The following LHFPL3 variants were observed in gnomAD, a reference collection of about 807,000 sequenced individuals.
LHFPL3 encodes the protein LHFPL tetraspan subfamily member 3, also known as LHFPL tetraspan subfamily member 3 protein.
A neutral mutation model predicts 19.3 loss-of-function variants in LHFPL3; 5 were observed. The ratio of observed to expected loss-of-function variants is 0.26; its 90% CI spans 0.14 to 0.54. LHFPL3 has a LOEUF of 0.54. LHFPL3 is among the 20% of genes least tolerant of loss of function. The pLI is 0.94. For synonymous variants in LHFPL3, 133 were observed against 126.2 expected (o/e 1.05, Z -0.36); for missense variants, 249 against 307.4 (o/e 0.81, Z 1.42).
chr7:104,512,653 T>C (rs1230326301), intron 1 of LHFPL3, among the ~76,000 whole-genome samples: 1 of 151,966 alleles, frequency 6.6e-6, no homozygotes, highest in Admixed American at 6.6e-5. Flanking sequence ...GGAGAATCAC[T>C]TGAACCTGGA....
At chr7:104,597,409 A>G (rs996945568) in intron 1 of LHFPL3, among the ~76,000 whole-genome samples, 1 of 152,244 alleles carries the variant, frequency 6.6e-6, no homozygotes, top group Non-Finnish European at 1.5e-5. Context: ...TAGAAGATGC[A>G]TCTTTAAACT....
At position 104,328,755 on chromosome 7, in the gene LHFPL3, G is replaced by T; in HGVS notation, c.-25G>T. 1 of 1,420,744 alleles carries T rather than the reference G, an allele frequency of 7.0e-7. No homozygotes were observed. Among genetic ancestry groups the T allele is most frequent in the South Asian group, 1.3e-5 (1 of 77,426 alleles). The allele number at this position is 1,420,744 out of a possible 1,614,324, so 88.0% of individuals were successfully genotyped here. ...GGGGGAGGCGGAGGACCAGGAGGAGGAGGAGGAGGAGGAGGAGGGGGAGAA... is the reference window on the plus strand; with the variant it reads ...GGGGGAGGCGGAGGACCAGGAGGAGTAGGAGGAGGAGGAGGAGGGGGAGAA... On this transcript the variant is annotated 5_prime_UTR_variant, in exon 1 of 3. Coordinates refer to ENST00000424859, the MANE Select transcript of LHFPL3 (RefSeq NM_199000.3). The surrounding 1 kb of genome is among the most constrained non-coding windows in gnomAD (Gnocchi z 4.6).
At chr7:104,696,811 T>C (rs2116157624) in intron 1 of LHFPL3, among the ~76,000 whole-genome samples, 1 of 152,286 alleles carries the variant, frequency 6.6e-6, no homozygotes, top group African/African-American at 2.4e-5. Context: ...AGTTGCTGTA[T>C]AAAAAATAAA....
rs138262410 is a variant in LHFPL3 at position 104,829,188 on chromosome 7, C to T, written c.683-76999C>T. ...ATTAAGAGCCTCCCATGAGGAGCCACTCTCCCTGACCAAGGGTCCTCCGGC... is the reference window on the plus strand; with the variant it reads ...ATTAAGAGCCTCCCATGAGGAGCCATTCTCCCTGACCAAGGGTCCTCCGGC... On this transcript the variant is annotated intron_variant, in intron 2 of 2. Coordinates refer to ENST00000424859, the MANE Select transcript of LHFPL3 (RefSeq NM_199000.3). 5.2e-4 allele frequency among the ~76,000 whole-genome samples: 79 copies of T among 151,982 alleles called. No individual in the cohort carries two copies. In the East Asian group the frequency reaches 0.014, roughly 26 times the overall value.
intron 2 of LHFPL3, among the ~76,000 whole-genome samples, chr7:104,780,475 C>T (rs1312470545): frequency 3.9e-5 from 6 of 152,132 alleles, no homozygotes; most frequent in South Asian, 2.1e-4. Context: ...TGTAAGGCAC[C>T]GGTGACAGTA....
intron 1 of LHFPL3, among the ~76,000 whole-genome samples, chr7:104,448,166 A>G (rs1792367200): frequency 6.6e-6 from 1 of 152,186 alleles, no homozygotes; most frequent in Admixed American, 6.6e-5. Flanking sequence ...TCAATAGTTA[A>G]TTGGAAGCAC....
chr7:104,767,640 A>G (rs1794478840), intron 2 of LHFPL3, among the ~76,000 whole-genome samples: 1 of 152,206 alleles, frequency 6.6e-6, no homozygotes. Flanking sequence ...AGTACAAACA[A>G]TAATTAAACC....
intron 1 of LHFPL3, among the ~76,000 whole-genome samples, chr7:104,495,002 A>C (rs1246190873): frequency 1.3e-5 from 2 of 152,198 alleles, no homozygotes; most frequent in Non-Finnish European, 2.9e-5. Context: ...CCTCCAGATC[A>C]ATCCCCTTCC....
At chr7:104,871,532 CT>C (rs1791837763) in intron 2 of LHFPL3, among the ~76,000 whole-genome samples, 1 of 152,092 alleles carries the variant, frequency 6.6e-6, no homozygotes. Context: ...TTTTTCTTTC[CT>C]CAATAATAAA....
At chr7:104,510,988 A>G (rs570176745) in intron 1 of LHFPL3, among the ~76,000 whole-genome samples, 1 of 152,254 alleles carries the variant, frequency 6.6e-6, no homozygotes, top group Non-Finnish European at 1.5e-5. Context: ...AATCTGTACA[A>G]CAAACCCCCA....
intron 1 of LHFPL3, among the ~76,000 whole-genome samples, chr7:104,684,950 A>G (rs1193842152): frequency 6.6e-6 from 1 of 152,110 alleles, no homozygotes; most frequent in Non-Finnish European, 1.5e-5. Flanking sequence ...TTCTCATTCT[A>G]TTTCTTTCAT....
At chr7:104,775,364 C>CTA (rs764922550) in intron 2 of LHFPL3, among the ~76,000 whole-genome samples, 16 of 152,238 alleles carry the variant, frequency 1.1e-4, no homozygotes, top group Non-Finnish European at 1.6e-4. Flanking sequence ...CCACTGCACT[C>CTA]TAGCCTGGGC....
Position 104,693,476 on chromosome 7 carries a change from G to A in LHFPL3, c.446-43199G>A, listed in dbSNP as rs752740077. Among the ~76,000 whole-genome samples, 3 of 152,132 alleles carry A rather than the reference G, an allele frequency of 2.0e-5. 1 individual carries two copies. The East Asian group carries it at 5.8e-4, about 29-fold the overall frequency. The stretch of plus-strand genomic sequence containing the variant: ...ATGTGTCATGGGAGGGACCCAGTGA[G>A]AGGTAATTGAATCATGGGGGCAGTT... On this transcript the variant is annotated intron_variant, in intron 1 of 2. Coordinates refer to ENST00000424859, the MANE Select transcript of LHFPL3 (RefSeq NM_199000.3).
intron 2 of LHFPL3, among the ~76,000 whole-genome samples, chr7:104,810,237 G>T (rs1357107018): frequency 6.6e-6 from 1 of 152,156 alleles, no homozygotes; most frequent in Non-Finnish European, 1.5e-5. Context: ...TGGGCTCTGT[G>T]GGCCCCGGAC....
chr7:104,481,210 A>G (rs1793130123), intron 1 of LHFPL3, among the ~76,000 whole-genome samples: 1 of 152,070 alleles, frequency 6.6e-6, no homozygotes, highest in African/African-American at 2.4e-5. Context: ...TCCCACCCAG[A>G]TTGTTATAAT....
chr7:104,729,551 A>G (rs1793653257), intron 1 of LHFPL3, among the ~76,000 whole-genome samples: 2 of 152,116 alleles, frequency 1.3e-5, no homozygotes, highest in Admixed American at 6.6e-5. Context: ...AGCCTCTGAT[A>G]ACCAGTATTT....
intron 1 of LHFPL3, among the ~76,000 whole-genome samples, chr7:104,378,806 A>C (rs944277185): frequency 6.6e-6 from 1 of 152,168 alleles, no homozygotes; most frequent in South Asian, 2.1e-4. Flanking sequence ...TCTTCAGTGA[A>C]GTGTCTTTTC....
In LHFPL3 at chr7:104,453,074, A is replaced by G. The variant is rs943619287; in HGVS notation, c.445+123850A>G. 2.6e-5 allele frequency among the ~76,000 whole-genome samples: 4 copies of G among 152,112 alleles called. No individual in the cohort carries two copies. In the South Asian group the frequency reaches 6.2e-4, roughly 24 times the overall value. On this transcript the variant is annotated intron_variant, in intron 1 of 2. Coordinates refer to ENST00000424859, the MANE Select transcript of LHFPL3 (RefSeq NM_199000.3). ...ATTTCAAATTCTTTTCCAGGTTACA[A>G]TTTGTCTTAAAAATGTATTTAATAG... is the stretch of plus-strand genomic sequence containing the variant.
At position 104,464,144 on chromosome 7, in the gene LHFPL3, C is replaced by T. The variant is rs548151765; in HGVS notation, c.445+134920C>T. Among the ~76,000 whole-genome samples, 14 of 152,322 alleles carry T rather than the reference C, an allele frequency of 9.2e-5. No homozygotes were observed. In the South Asian group the frequency reaches 2.5e-3, roughly 27 times the overall value. On this transcript the variant is annotated intron_variant, in intron 1 of 2. Coordinates refer to ENST00000424859, the MANE Select transcript of LHFPL3 (RefSeq NM_199000.3). The stretch of plus-strand genomic sequence containing the variant: ...ACATGCCCCATGCAAGTCTGAAATC[C>T]AATGGGGCAGTTATTAAACCTTAAA...
Sources: allele counts gnomAD v4.1 joint callset (sites outside exome capture counted in the v4.1 genomes callset), GRCh38; gene constraint gnomAD v4.1.1; non-coding constraint Gnocchi (gnomAD v3.1); transcripts MANE v1.5; gene names NCBI Gene and HGNC (gene_info 2026-07-23, HGNC 2026-07-21).